The following ZMYM4 variants were observed in gnomAD, a reference collection of about 807,000 sequenced individuals.
The protein encoded by ZMYM4 is zinc finger MYM-type protein 4.
ZMYM4 carries 31 observed loss-of-function variants against 183.2 expected under a neutral mutation model. That is an observed-to-expected ratio of 0.17 (90% CI 0.13 to 0.23). The LOEUF (loss-of-function observed/expected upper bound fraction) is 0.23. Ranked by LOEUF, ZMYM4 falls within the 10% of genes least tolerant of loss-of-function variation. The pLI is 1.00. For missense variants in ZMYM4, 1,273 were observed against 1,840.3 expected (o/e 0.69, Z 5.64); for synonymous variants, 592 against 631.2 (o/e 0.94, Z 0.93).
chr1:35,355,063 TCTAA>T (rs1479198832), intron 2 of ZMYM4, among the ~76,000 whole-genome samples: 1 of 151,920 alleles, frequency 6.6e-6, no homozygotes, highest in African/African-American at 2.4e-5. Context: ...TGAGACAGAG[TCTAA>T]CTGTCGCCCA....
At chr1:35,372,609 G>GAC (rs150976702) in intron 7 of ZMYM4, among the ~76,000 whole-genome samples, 2 of 151,994 alleles carry the variant, frequency 1.3e-5, no homozygotes, top group South Asian at 2.1e-4. Context: ...TACACACACA[G>GAC]ACACACACAC....
chr1:35,320,608 C>T (rs1006837771), intron 1 of ZMYM4, among the ~76,000 whole-genome samples: 3 of 152,192 alleles, frequency 2.0e-5, no homozygotes, highest in Admixed American at 2.0e-4. Flanking sequence ...AAGTCACAGC[C>T]TGGGGCTTGT....
At chr1:35,401,630 T>G (rs1644910411) in intron 23 of ZMYM4, among the ~76,000 whole-genome samples, 1 of 152,216 alleles carries the variant, frequency 6.6e-6, no homozygotes, top group Non-Finnish European at 1.5e-5. Context: ...GTCCCTTTTA[T>G]CAATTTGTTA....
chr1:35,309,820 C>T (rs931717174), intron 1 of ZMYM4, among the ~76,000 whole-genome samples: 5 of 151,174 alleles, frequency 3.3e-5, no homozygotes, highest in African/African-American at 1.2e-4. Context: ...TTAGAATATT[C>T]TGATTTATTT....
intron 1 of ZMYM4, among the ~76,000 whole-genome samples, chr1:35,285,446 T>C (rs1640431226): frequency 6.6e-6 from 1 of 151,940 alleles, no homozygotes; most frequent in African/African-American, 2.4e-5. Context: ...ACCACATTAG[T>C]AGAATGAAGA....
At chr1:35,337,014 A>T (rs2148850025) in intron 2 of ZMYM4, among the ~76,000 whole-genome samples, 1 of 152,192 alleles carries the variant, frequency 6.6e-6, no homozygotes, top group East Asian at 1.9e-4. Flanking sequence ...TTCTGTCATA[A>T]TTGTAAGTTT....
At chr1:35,363,157 T>A (rs982627413) in intron 5 of ZMYM4, among the ~76,000 whole-genome samples, 3 of 151,934 alleles carry the variant, frequency 2.0e-5, no homozygotes, top group Admixed American at 2.0e-4. Context: ...GATGACAGAG[T>A]GAGACTTTTT....
chr1:35,291,314 G>A (rs1349537487), intron 1 of ZMYM4, among the ~76,000 whole-genome samples: 1 of 151,902 alleles, frequency 6.6e-6, no homozygotes, highest in Non-Finnish European at 1.5e-5. Context: ...TAGGGTGCCG[G>A]GTCTTGCTTT....
chr1:35,313,291 TC>T (rs1003082958), intron 1 of ZMYM4, among the ~76,000 whole-genome samples: 6 of 152,158 alleles, frequency 3.9e-5, no homozygotes, highest in Non-Finnish European at 8.8e-5. Flanking sequence ...TGCCTTGGCC[TC>T]CCAAAGTGTT....
At chr1:35,335,316 G>A (rs1642926332) in intron 2 of ZMYM4, among the ~76,000 whole-genome samples, 1 of 151,134 alleles carries the variant, frequency 6.6e-6, no homozygotes, top group Admixed American at 6.6e-5. Flanking sequence ...GGCTCACTGC[G>A]ATCTCTGCTT....
At chr1:35,401,144 A>G (rs1644901681) in intron 23 of ZMYM4, among the ~76,000 whole-genome samples, 1 of 152,228 alleles carries the variant, frequency 6.6e-6, no homozygotes, top group Admixed American at 6.5e-5. Context: ...AAAAAGATCT[A>G]GGAATGAGAT....
intron 13 of ZMYM4, among the ~76,000 whole-genome samples, chr1:35,388,700 T>TTTTTTG (rs746601237): frequency 2.0e-5 from 3 of 152,010 alleles, no homozygotes; most frequent in Non-Finnish European, 4.4e-5. Context: ...TATTTTTCTT[T>TTTTTTG]TTTTTGTTTT....
At chr1:35,278,577 C>T (rs1221352607) in intron 1 of ZMYM4, among the ~76,000 whole-genome samples, 1 of 152,024 alleles carries the variant, frequency 6.6e-6, no homozygotes, top group Non-Finnish European at 1.5e-5. Context: ...AGGAGCGTGC[C>T]GCCATGCCTG....
At chr1:35,383,839 A>C (rs576297306) in intron 9 of ZMYM4, among the ~76,000 whole-genome samples, 9 of 152,206 alleles carry the variant, frequency 5.9e-5, no homozygotes, top group Non-Finnish European at 1.0e-4. Flanking sequence ...TCTAGACCTT[A>C]TGTTCAAATA....
At chr1:35,365,654 G>A (rs939719863) in intron 5 of ZMYM4, among the ~76,000 whole-genome samples, 1 of 152,096 alleles carries the variant, frequency 6.6e-6, no homozygotes, top group African/African-American at 2.4e-5. Flanking sequence ...ACTTTCATGG[G>A]ATATTAATAT....
At chr1:35,388,216 G>A (rs1041275631) in intron 13 of ZMYM4, among the ~76,000 whole-genome samples, 12 of 151,716 alleles carry the variant, frequency 7.9e-5, no homozygotes, top group Admixed American at 6.6e-4. Flanking sequence ...TTTTGTTTTT[G>A]TTTTTTGAGA....
intron 2 of ZMYM4, among the ~76,000 whole-genome samples, chr1:35,332,134 A>C (rs1425654456): frequency 6.6e-6 from 1 of 152,086 alleles, no homozygotes; most frequent in Admixed American, 6.5e-5. Flanking sequence ...AATAGTATTG[A>C]TTTAGAAAAT....
At chr1:35,351,072 T>G (rs1643588420) in intron 2 of ZMYM4, 1 of 848,656 alleles carries the variant, frequency 1.2e-6, no homozygotes. Context: ...GGACAAGATC[T>G]GTGAATGCCA....
In ZMYM4 at chr1:35,334,301, A is replaced by G. The variant is rs200762746; in HGVS notation, c.85+8896A>G. Among the ~76,000 whole-genome samples, 10 of 152,292 alleles carry G rather than the reference A, an allele frequency of 6.6e-5. No individual in the cohort carries two copies. The East Asian group carries it at 1.5e-3, about 24-fold the overall frequency. ...GCCACTGCACGCCAGCCTGGGTGAC[A>G]GAAAGAGACCTTCTTTCTAAAAAAT... On this transcript the variant is annotated intron_variant, in intron 2 of 29. Coordinates refer to ENST00000314607, the MANE Select transcript of ZMYM4 (RefSeq NM_005095.3).
Sources: gnomAD v4.1 joint callset for allele counts (sites outside exome capture counted in the v4.1 genomes callset) on GRCh38, gnomAD v4.1.1 for gene constraint, MANE v1.5 for transcripts, NCBI Gene and HGNC (gene_info 2026-07-23, HGNC 2026-07-21) for gene names.